The following KIF26B variants were observed in gnomAD, a reference collection of about 807,000 sequenced individuals.
KIF26B encodes the protein kinesin family member 26B.
Under a neutral mutation model 151.2 loss-of-function variants are expected in KIF26B, and 63 were observed. The ratio of observed to expected loss-of-function variants is 0.42; its 90% CI spans 0.34 to 0.51. The LOEUF (loss-of-function observed/expected upper bound fraction) is 0.51, where lower values mean the gene tolerates loss of function less well. KIF26B is among the 20% of genes least tolerant of loss of function. KIF26B has a pLI of 0.07. For synonymous variants in KIF26B, 1,357 were observed against 1,262.1 expected, an observed-to-expected ratio of 1.08 and a Z score of -1.59; for missense variants, 2,813 against 2,913.6, an observed-to-expected ratio of 0.97 and a Z score of 0.79.
intron 4 of KIF26B, among the ~76,000 whole-genome samples, chr1:245,442,641 G>A (rs1002024728): frequency 1.4e-5 from 2 of 146,024 alleles, no homozygotes; most frequent in Non-Finnish European, 3.0e-5. Flanking sequence ...AAGCAGCAGA[G>A]GTGAGCGGTC....
intron 6 of KIF26B, among the ~76,000 whole-genome samples, chr1:245,604,684 AT>A (rs1445803517): frequency 2.0e-5 from 3 of 152,228 alleles, no homozygotes; most frequent in Admixed American, 2.0e-4. Flanking sequence ...AAAAGGGTCC[AT>A]TTTAATTGCT....
chr1:245,660,243 T>C (rs992574459), intron 10 of KIF26B, among the ~76,000 whole-genome samples: 1 of 25,154 alleles, frequency 4.0e-5, no homozygotes, highest in Non-Finnish European at 7.9e-5. Flanking sequence ...TAGTCATTTA[T>C]CACATGGATT....
At chr1:245,196,241 G>A (rs537271075) in intron 2 of KIF26B, among the ~76,000 whole-genome samples, 1 of 152,244 alleles carries the variant, frequency 6.6e-6, no homozygotes, top group South Asian at 2.1e-4. Context: ...CTACTCTGTG[G>A]ATACATCCTG....
intron 3 of KIF26B, among the ~76,000 whole-genome samples, chr1:245,411,549 G>A (rs1375556501): frequency 1.3e-5 from 2 of 152,142 alleles, no homozygotes; most frequent in African/African-American, 2.4e-5. Flanking sequence ...TCACCTCGCC[G>A]GGGGAGTGGC....
intron 12 of KIF26B, among the ~76,000 whole-genome samples, chr1:245,690,541 A>G (rs1330043625): frequency 6.6e-6 from 1 of 152,220 alleles, no homozygotes; most frequent in African/African-American, 2.4e-5. Flanking sequence ...GTCAGTGAAC[A>G]TTATAAACCA....
At chr1:245,327,294 A>G (rs1033765851) in intron 2 of KIF26B, among the ~76,000 whole-genome samples, 2 of 152,176 alleles carry the variant, frequency 1.3e-5, no homozygotes, top group African/African-American at 2.4e-5. Context: ...ATGAAATGAA[A>G]CAGATGTGAG....
At chr1:245,350,501 C>T (rs981111562) in intron 2 of KIF26B, among the ~76,000 whole-genome samples, 10 of 152,162 alleles carry the variant, frequency 6.6e-5, no homozygotes, top group Admixed American at 5.2e-4. Context: ...GTGTCCTTCT[C>T]ATCTTTGGGC....
intron 5 of KIF26B, among the ~76,000 whole-genome samples, chr1:245,577,364 G>A (rs1161891429): frequency 2.6e-5 from 4 of 151,076 alleles, no homozygotes; most frequent in Non-Finnish European, 5.9e-5. Flanking sequence ...TAAGACACGG[G>A]TGTCCCGACT....
At chr1:245,506,463 G>A (rs768177427) in intron 4 of KIF26B, among the ~76,000 whole-genome samples, 1 of 151,990 alleles carries the variant, frequency 6.6e-6, no homozygotes, top group East Asian at 1.9e-4. Context: ...TAAAGCCATC[G>A]CTCTCTTAAT....
At position 245,688,306 on chromosome 1, in the gene KIF26B, C is replaced by G. The variant is rs1275566403; in HGVS notation, c.5323C>G (p.Pro1775Ala). 3 of 1,595,838 alleles carry G rather than the reference C, an allele frequency of 1.9e-6. No homozygotes were observed. Among genetic ancestry groups the G allele is most frequent in the Non-Finnish European group, 2.5e-6 (3 of 1,178,260 alleles). ...QAVGQGSSSP[P>A]GGKHTPWSTQ... Reference sequence around the variant, plus strand: ...GGTGGGCCAGGGCTCCAGCTCGCCCCCCGGTGGGAAGCACACGCCCTGGTC... The same window carrying G: ...GGTGGGCCAGGGCTCCAGCTCGCCCGCCGGTGGGAAGCACACGCCCTGGTC... Residue 1775 changes from proline (P) to alanine (A), a missense_variant, in exon 12 of 15, where the codon CCC (proline) becomes GCC (alanine). Pro to Ala is a conservative substitution (Grantham distance 27). This residue lies in a region of KIF26B where 2,060 missense variants were observed against 2,088.6 expected (regional missense o/e 0.99). Coordinates refer to ENST00000407071, the MANE Select transcript of KIF26B (RefSeq NM_018012.4).
chr1:245,661,836 C>A (rs890484122), intron 10 of KIF26B, among the ~76,000 whole-genome samples: 3 of 95,780 alleles, frequency 3.1e-5, no homozygotes, highest in African/African-American at 1.3e-4. Flanking sequence ...ATATTACACA[C>A]ACCATATATA....
At chr1:245,460,856 TC>T (rs1479123898) in intron 4 of KIF26B, among the ~76,000 whole-genome samples, 1 of 152,220 alleles carries the variant, frequency 6.6e-6, no homozygotes, top group East Asian at 1.9e-4. Flanking sequence ...AACAGACTTT[TC>T]TGGAAAGCTT....
At chr1:245,368,781 T>G (rs1673024212) in intron 3 of KIF26B, among the ~76,000 whole-genome samples, 1 of 151,958 alleles carries the variant, frequency 6.6e-6, no homozygotes, top group African/African-American at 2.4e-5. Flanking sequence ...ACAGGAGGAT[T>G]TGGGGCCCAG....
At chr1:245,617,521 A>C (rs2043604598) in intron 9 of KIF26B, among the ~76,000 whole-genome samples, 1 of 152,116 alleles carries the variant, frequency 6.6e-6, no homozygotes, top group Admixed American at 6.6e-5. Flanking sequence ...GATGTGGGAA[A>C]AGAGGCTTAG....
At chr1:245,433,730 C>CT (rs535704753) in intron 4 of KIF26B, among the ~76,000 whole-genome samples, 10 of 151,920 alleles carry the variant, frequency 6.6e-5, no homozygotes, top group African/African-American at 2.2e-4. Flanking sequence ...CAATTAGATG[C>CT]TTTTTTTTCT....
At chr1:245,400,241 A>G (rs2103026548) in intron 3 of KIF26B, among the ~76,000 whole-genome samples, 1 of 152,356 alleles carries the variant, frequency 6.6e-6, no homozygotes, top group South Asian at 2.1e-4. Context: ...TCAGACTGGT[A>G]ACATTTTCTA....
rs1374347061 is a variant in KIF26B, at chr1:245,385,204, G to A, written c.999+17837G>A. 2.0e-5 allele frequency among the ~76,000 whole-genome samples: 3 copies of A among 152,290 alleles called. No homozygotes were observed. The East Asian group carries it at 5.8e-4, about 29-fold the overall frequency. ...AAAAGAAAATGGGAACTAAAATAGAGTAATTAAAAAGAAAGTCACTTATTT... is the reference window on the plus strand; with the variant it reads ...AAAAGAAAATGGGAACTAAAATAGAATAATTAAAAAGAAAGTCACTTATTT... On this transcript the variant is annotated intron_variant, in intron 3 of 14. Coordinates refer to ENST00000407071, the MANE Select transcript of KIF26B (RefSeq NM_018012.4).
In KIF26B at chr1:245,318,005, C is replaced by T. The variant is rs1671812086; in HGVS notation, c.466-48829C>T. On this transcript the variant is annotated intron_variant, in intron 2 of 14. Transcript: ENST00000407071. This position sits in a 1 kb window ranked among gnomAD's most constrained non-coding sequence, Gnocchi z 4.0. ...AATGTCTCTAACACTACAGGTTACA[C>T]TTCACCTGATTTCCAGGTTAGTGCA... Among the ~76,000 whole-genome samples, 1 of 152,234 alleles carries T rather than the reference C, an allele frequency of 6.6e-6. No homozygotes were observed. The highest frequency in any genetic ancestry group is 2.1e-4 in the South Asian group (1 of 4,836).
chr1:245,289,839 G>A (rs1212444637), intron 2 of KIF26B, among the ~76,000 whole-genome samples: 1 of 152,116 alleles, frequency 6.6e-6, no homozygotes, highest in African/African-American at 2.4e-5. Context: ...GCCTGAACAT[G>A]GTACAGATTG....
Sources: allele counts gnomAD v4.1 joint callset (sites outside exome capture counted in the v4.1 genomes callset), GRCh38; gene constraint gnomAD v4.1.1; regional missense constraint gnomAD v4.1.1; non-coding constraint Gnocchi (gnomAD v3.1); transcripts MANE v1.5; gene names NCBI Gene and HGNC (gene_info 2026-07-23, HGNC 2026-07-21).